Variants in TMEM106A observed in about 807,000 individuals in gnomAD.
TMEM106A encodes transmembrane protein 106A.
In TMEM106A, 22 loss-of-function variants were observed where a neutral mutation model predicts 25.1. The observed-to-expected ratio is 0.88, with a 90% CI of 0.63 to 1.25. The LOEUF (loss-of-function observed/expected upper bound fraction) is 1.25. Ranked by LOEUF, TMEM106A falls within the 50% of genes most tolerant of loss-of-function variation. TMEM106A has a pLI of 0.00. For synonymous variants in TMEM106A, 104 were observed against 129.9 expected (o/e 0.80, Z 1.35); for missense variants, 275 against 318.1 (o/e 0.86, Z 1.03).
intron 8 of TMEM106A, 43 bp downstream of exon 8, chr17:43,217,355 G>T: frequency 6.2e-7 from 1 of 1,605,918 alleles, no homozygotes; most frequent in South Asian, 1.1e-5. Context: ...TCTCACTTCT[G>T]ACTTCATTCT....
intron 4 of TMEM106A, among the ~76,000 whole-genome samples, chr17:43,214,567 C>T (rs2057467174): frequency 6.6e-6 from 1 of 152,122 alleles, no homozygotes; most frequent in African/African-American, 2.4e-5. Flanking sequence ...GATCTGAGTC[C>T]ATCTGACATG....
rs200442789 is a variant in TMEM106A, at chr17:43,216,669, G to A, written c.571-28G>A. The A allele has an allele frequency of 6.5e-5, 105 of 1,614,200 alleles. No homozygotes were observed. In the Admixed American group the frequency reaches 1.6e-3, roughly 24 times the overall value. ...TGGGAAAGGGGCAGCTGGAGTTGGGGCTAACCCTGTGCCCATTTGGTTGAC... is the reference window on the plus strand; with the variant it reads ...TGGGAAAGGGGCAGCTGGAGTTGGGACTAACCCTGTGCCCATTTGGTTGAC... On this transcript the variant is annotated intron_variant, in intron 6 of 8. Transcript: ENST00000612339.
At position 43,215,808 on chromosome 17, in the gene TMEM106A, C is replaced by T. The variant is rs2057479344; in HGVS notation, c.296C>T (p.Ala99Val). ...PKHTKLFVFL[A>V]VLICLVTSSF... is the part of the protein sequence containing the mutation. ...CACAGGAAGCTCTTTGTGTTCCTGGCCGTGCTCATCTGCCTGGTGACCTCC... is the reference window on the plus strand; with the variant it reads ...CACAGGAAGCTCTTTGTGTTCCTGGTCGTGCTCATCTGCCTGGTGACCTCC... Residue 99 changes from alanine (A) to valine (V), a missense_variant, in exon 5 of 9, where the codon GCC (alanine) becomes GTC (valine). Coordinates refer to ENST00000612339, the MANE Select transcript of TMEM106A (RefSeq NM_145041.4). The T allele has an allele frequency of 3.1e-6, 5 of 1,613,902 alleles. No homozygotes were observed. The East Asian group carries it at 1.1e-4, about 36-fold the overall frequency.
In TMEM106A at chr17:43,216,447, A is replaced by C; in HGVS notation, c.430-2A>C. The C allele has an allele frequency of 6.2e-7, 1 of 1,613,662 alleles. No individual in the cohort carries two copies. Among genetic ancestry groups the C allele is most frequent in the Non-Finnish European group, 8.5e-7 (1 of 1,179,578 alleles). ...CCTCCCTTCCCTTGTCTTCATCCCCAGAATATCTTAAACATCTCCAATGGC... is the reference window on the plus strand; with the variant it reads ...CCTCCCTTCCCTTGTCTTCATCCCCCGAATATCTTAAACATCTCCAATGGC... On this transcript the variant is annotated splice_acceptor_variant, in intron 5 of 8. Transcript: ENST00000612339. LOFTEE classifies it high-confidence loss of function.
At chr17:43,216,383 C>G in intron 5 of TMEM106A, 66 bp from the exon 6 acceptor site, 1 of 1,591,940 alleles carries the variant, frequency 6.3e-7, no homozygotes, top group Non-Finnish European at 8.6e-7. Context: ...CAGGCTTTTG[C>G]AACTGTTTGG....
At position 43,213,040 on chromosome 17, in the gene TMEM106A, G is replaced by A; in HGVS notation, c.-2G>A. The A allele has an allele frequency of 1.2e-6, 2 of 1,614,174 alleles. No individual in the cohort carries two copies. Among genetic ancestry groups the A allele is most frequent in the Non-Finnish European group, 8.5e-7 (1 of 1,180,038 alleles). On this transcript the variant is annotated 5_prime_UTR_variant, in exon 3 of 9. Coordinates refer to ENST00000612339, the MANE Select transcript of TMEM106A (RefSeq NM_145041.4). ...CATTAGTGAAACCCCCGCCCCTGAA[G>A]AATGGGTAAGACGTTTTCCCAGCTG...
At chr17:43,217,646 C>T (rs1415564149) in intron 8 of TMEM106A, 35 bp from the exon 9 acceptor site, 12 of 1,613,126 alleles carry the variant, frequency 7.4e-6, no homozygotes, top group Non-Finnish European at 9.3e-6. Context: ...TCCTTTTCCT[C>T]CCAGCCATGG....
intron 4 of TMEM106A, among the ~76,000 whole-genome samples, chr17:43,214,750 A>G (rs1443401165): frequency 6.6e-6 from 1 of 152,134 alleles, no homozygotes; most frequent in Non-Finnish European, 1.5e-5. Flanking sequence ...ACCTGAGGTT[A>G]GGAGTTCAAG....
Position 43,213,025 on chromosome 17 carries a change from A to AC in TMEM106A, c.-12dup. 5.0e-6 allele frequency: 8 copies of AC among 1,612,644 alleles called. No homozygotes were observed. Among genetic ancestry groups the AC allele is most frequent in the Non-Finnish European group, 6.8e-6 (8 of 1,179,490 alleles). ...ACTTTGGTCTTTTCTCATTAGTGAAACCCCCGCCCCTGAAGAATGGGTAAG... is the reference window on the plus strand; with the variant it reads ...ACTTTGGTCTTTTCTCATTAGTGAAACCCCCCGCCCCTGAAGAATGGGTAAG... On this transcript the variant is annotated 5_prime_UTR_variant, in exon 3 of 9. Coordinates refer to ENST00000612339, the MANE Select transcript of TMEM106A (RefSeq NM_145041.4).
At chr17:43,216,191 C>T in intron 5 of TMEM106A, 2 of 648,950 alleles carry the variant, frequency 3.1e-6, no homozygotes, top group Non-Finnish European at 5.3e-6. Context: ...GTGACAGTGC[C>T]TGAGACTCTC....
At chr17:43,217,015 G>T in intron 7 of TMEM106A, 1 of 625,354 alleles carries the variant, frequency 1.6e-6, no homozygotes, top group Non-Finnish European at 2.8e-6. Context: ...AGAATGTTTT[G>T]TCTGTCTCCT....
At position 43,213,856 on chromosome 17, in the gene TMEM106A, TC is replaced by T; in HGVS notation, c.243del (p.Tyr82MetfsTer6). ...TGGAGAAGCAGTTGGTGGCTCTCAT[TC>T]CCTATGGGGACCAGAGGCTGAAGCC... ...ELEKQLVALI[P>X]YGDQRLKPKH... On this transcript the variant is annotated frameshift_variant, in exon 4 of 9. Transcript: ENST00000612339. LOFTEE classifies it high-confidence loss of function. The T allele has an allele frequency of 6.2e-7, 1 of 1,614,172 alleles. No homozygotes were observed. The highest frequency in any genetic ancestry group is 1.1e-5 in the South Asian group (1 of 91,084).
Position 43,216,843 on chromosome 17 carries a change from C to T in TMEM106A, c.614+103C>T, listed in dbSNP as rs1017971207. 7.4e-6 allele frequency: 11 copies of T among 1,486,682 alleles called. No homozygotes were observed. In the Admixed American group the frequency reaches 1.8e-4, roughly 25 times the overall value. 92.1% of individuals were successfully genotyped at this position (1,486,682 alleles called of 1,614,324 possible). A position where few individuals can be genotyped will look rare whatever the true frequency, so the allele number is the denominator to read the frequency against. On this transcript the variant is annotated intron_variant, in intron 7 of 8. Transcript: ENST00000612339. ...ATTGCTTAGCAAATTCTTCAGCCAG[C>T]ATCTGGCCTGCCCTCCCATGGCCGA...
chr17:43,212,605 C>A (rs2057443540), intron 2 of TMEM106A, among the ~76,000 whole-genome samples: 1 of 152,132 alleles, frequency 6.6e-6, no homozygotes, highest in East Asian at 1.9e-4. Flanking sequence ...GGGGTCTTAA[C>A]CACACCTGTG....
intron 8 of TMEM106A, 88 bp downstream of exon 8, chr17:43,217,400 A>C (rs2057496817): frequency 1.3e-6 from 2 of 1,493,496 alleles, no homozygotes; most frequent in Non-Finnish European, 1.9e-6. Flanking sequence ...AGAGTCTTCC[A>C]AGCTGACCCC....
intron 5 of TMEM106A, chr17:43,216,199 C>T (rs1280825966): frequency 4.6e-6 from 3 of 654,286 alleles, no homozygotes; most frequent in Non-Finnish European, 7.8e-6. Context: ...GCCTGAGACT[C>T]TCTGGATGGA....
At position 43,219,093 on chromosome 17, in the gene TMEM106A, C is replaced by T. The variant is rs769342595; in HGVS notation, c.*1292C>T. On this transcript the variant is annotated 3_prime_UTR_variant, in exon 9 of 9. Transcript: ENST00000612339. ...TTTATTAAAGGAGAGCCTCTAAGTC[C>T]ACATCCTGAGCCCATGTGAGTGGAC... is the stretch of plus-strand genomic sequence containing the variant. 2.0e-5 allele frequency: 3 copies of T among 152,182 alleles called. No homozygotes were observed. Among genetic ancestry groups the T allele is most frequent in the Non-Finnish European group, 2.9e-5 (2 of 68,040 alleles). 9.4% of individuals were successfully genotyped at this position (152,182 alleles called of 1,614,324 possible).
At position 43,217,785 on chromosome 17, in the gene TMEM106A, C is replaced by A; in HGVS notation, c.773C>A (p.Thr258Asn). 6.2e-7 allele frequency: 1 copy of A among 1,614,162 alleles called. No homozygotes were observed. Among genetic ancestry groups the A allele is most frequent in the Non-Finnish European group, 8.5e-7 (1 of 1,180,026 alleles). ...AACGCATCTGTGCCCCACCAGCTGA[C>A]CCCTCACCCACCATGACCTGTCTGC... ...RGNASVPHQL[T>N]PHPP The change falls in exon 9 of 9, where the codon ACC becomes AAC. Residue 258 changes from threonine (T) to asparagine (N), a missense_variant. Thr to Asn is a moderately conservative substitution (Grantham distance 65). Transcript: ENST00000612339.
In TMEM106A at chr17:43,217,317, G is replaced by T; in HGVS notation, c.668+5G>T. ...CCATGTGCTTTTGCACATCCAGTAA[G>T]TAGAGCTTGGAGCTCTGGTATCCCT... On this transcript the variant is annotated splice_donor_5th_base_variant and intron_variant, in intron 8 of 8. Coordinates refer to ENST00000612339, the MANE Select transcript of TMEM106A (RefSeq NM_145041.4). 6.2e-7 allele frequency: 1 copy of T among 1,614,170 alleles called. No homozygotes were observed. The highest frequency in any genetic ancestry group is 8.5e-7 in the Non-Finnish European group (1 of 1,179,970).
Sources: gnomAD v4.1 joint callset for allele counts (sites outside exome capture counted in the v4.1 genomes callset) on GRCh38, gnomAD v4.1.1 for gene constraint, MANE v1.5 for transcripts, NCBI Gene and HGNC (gene_info 2026-07-23, HGNC 2026-07-21) for gene names.